TRAPPC9: variants seen among roughly 807,000 people sequenced by gnomAD.
The protein encoded by TRAPPC9 is trafficking protein particle complex subunit 9, also known as IKK2 binding protein.
A neutral mutation model predicts 124.0 loss-of-function variants in TRAPPC9; 83 were observed. The ratio of observed to expected loss-of-function variants is 0.67; its 90% confidence interval spans 0.56 to 0.80. The LOEUF is 0.80. Ranked by LOEUF, TRAPPC9 falls within the 30% of genes least tolerant of loss-of-function variation. The probability of loss-of-function intolerance (pLI) is 0.00; values close to 1 mark genes in which losing one functional copy is unlikely to be tolerated. For synonymous variants in TRAPPC9, 638 were observed against 617.5 expected, an observed-to-expected ratio of 1.03 and a Z score of -0.49; for missense variants, 1,302 against 1,508.3, an observed-to-expected ratio of 0.86 and a Z score of 2.27.
intron 17 of TRAPPC9, among the ~76,000 whole-genome samples, chr8:140,209,171 G>A (rs376422310): frequency 1.6e-4 from 25 of 152,188 alleles, no homozygotes; most frequent in African/African-American, 4.8e-4. Flanking sequence ...CAGACGATCC[G>A]CCTAAAACAA....
At chr8:140,083,154 C>T (rs773647744) in intron 17 of TRAPPC9, among the ~76,000 whole-genome samples, 11 of 151,914 alleles carry the variant, frequency 7.2e-5, no homozygotes, top group Admixed American at 1.3e-4. Context: ...GATCGTGCCA[C>T]TGCACTCCAG....
At chr8:140,323,029 T>G (rs1588149900) in intron 9 of TRAPPC9, among the ~76,000 whole-genome samples, 1 of 152,166 alleles carries the variant, frequency 6.6e-6, no homozygotes, top group African/African-American at 2.4e-5. Flanking sequence ...ATAAGGCTGG[T>G]CACCAGAAAG....
chr8:139,753,946 T>A (rs1193256182), intron 21 of TRAPPC9, among the ~76,000 whole-genome samples: 1 of 152,212 alleles, frequency 6.6e-6, no homozygotes, highest in Non-Finnish European at 1.5e-5. Flanking sequence ...TGTTTGTGCA[T>A]CCCAATCCTG....
chr8:140,413,870 A>G (rs201932945), intron 5 of TRAPPC9, among the ~76,000 whole-genome samples: 1 of 151,636 alleles, frequency 6.6e-6, no homozygotes, highest in Admixed American at 6.6e-5. Context: ...ATAGTATTCC[A>G]TGGTGTATAT....
At chr8:139,795,700 C>T (rs545037222) in intron 21 of TRAPPC9, among the ~76,000 whole-genome samples, 4 of 152,144 alleles carry the variant, frequency 2.6e-5, no homozygotes, top group East Asian at 1.9e-4. Flanking sequence ...ACCCAGAGTA[C>T]GCAATTAAAG....
chr8:140,458,292 G>A (rs1175921280), upstream of TRAPPC9: 8 of 1,557,326 alleles, frequency 5.1e-6, no homozygotes, highest in Non-Finnish European at 1.7e-6. Flanking sequence ...AGTCCTTCAG[G>A]GCGCGCAGCT....
At chr8:140,162,203 T>G (rs1215154164) in intron 17 of TRAPPC9, among the ~76,000 whole-genome samples, 1 of 152,050 alleles carries the variant, frequency 6.6e-6, no homozygotes, top group East Asian at 1.9e-4. Flanking sequence ...AATGAGTGAT[T>G]CAGGGGACAG....
At chr8:139,839,470 C>T (rs542302131) in intron 21 of TRAPPC9, among the ~76,000 whole-genome samples, 43 of 152,268 alleles carry the variant, frequency 2.8e-4, no homozygotes, top group African/African-American at 9.6e-4. Flanking sequence ...GCCGTCTCTG[C>T]GGGGATGCGG....
intron 5 of TRAPPC9, among the ~76,000 whole-genome samples, chr8:140,415,387 C>G (rs961360684): frequency 6.6e-6 from 1 of 151,752 alleles, no homozygotes; most frequent in Admixed American, 6.6e-5. Flanking sequence ...AACCCCATCT[C>G]TACTAAAAAT....
chr8:140,385,842 T>A (rs200718132), intron 7 of TRAPPC9, among the ~76,000 whole-genome samples: 3 of 152,198 alleles, frequency 2.0e-5, no homozygotes, highest in Admixed American at 2.0e-4. Context: ...CCTGATACCA[T>A]AGCCTGGCAG....
chr8:140,042,692 C>A (rs535811961), intron 17 of TRAPPC9, among the ~76,000 whole-genome samples: 1 of 152,344 alleles, frequency 6.6e-6, no homozygotes, highest in African/African-American at 2.4e-5. Context: ...CAGAGCAAAG[C>A]AAAGGTGGCA....
intron 21 of TRAPPC9, among the ~76,000 whole-genome samples, chr8:139,744,410 C>T (rs1396682119): frequency 1.3e-5 from 2 of 151,652 alleles, no homozygotes; most frequent in East Asian, 3.9e-4. Flanking sequence ...GGCCTTCTCT[C>T]AGGGTGCTGG....
intron 21 of TRAPPC9, among the ~76,000 whole-genome samples, chr8:139,817,501 G>A (rs191896965): frequency 6.6e-5 from 10 of 152,308 alleles, no homozygotes; most frequent in Non-Finnish European, 5.9e-5. Flanking sequence ...CCCATGGATC[G>A]TCCTCACGGC....
chr8:140,358,237 A>G (rs913397718), intron 9 of TRAPPC9, among the ~76,000 whole-genome samples: 3 of 151,868 alleles, frequency 2.0e-5, no homozygotes, highest in Admixed American at 6.6e-5. Flanking sequence ...ACAGAATTTC[A>G]CTCTTATCGC....
In TRAPPC9 at chr8:140,063,077, G is replaced by A. The variant is rs962763503; in HGVS notation, c.2557-38998C>T. 1.3e-5 allele frequency among the ~76,000 whole-genome samples: 2 copies of A among 152,096 alleles called. No individual in the cohort carries two copies. The highest frequency in any genetic ancestry group is 2.9e-5 in the Non-Finnish European group (2 of 68,030). On this transcript the variant is annotated intron_variant, in intron 17 of 22. Transcript: ENST00000438773. This position sits in a 1 kb window ranked among gnomAD's most constrained non-coding sequence, Gnocchi z 4.3. The stretch of plus-strand genomic sequence containing the variant: ...AGAAGTGAATGCAGGAGGAACTACT[G>A]AACACCTGAACACTTACAAACCCAT...
intron 18 of TRAPPC9, among the ~76,000 whole-genome samples, chr8:139,993,047 A>C (rs1837741173): frequency 6.6e-6 from 1 of 152,192 alleles, no homozygotes; most frequent in Non-Finnish European, 1.5e-5. Context: ...AAAAGAATAA[A>C]ATGTTTGGCT....
intron 17 of TRAPPC9, among the ~76,000 whole-genome samples, chr8:140,199,860 T>C (rs1366842991): frequency 1.3e-5 from 2 of 152,040 alleles, no homozygotes; most frequent in Non-Finnish European, 2.9e-5. Flanking sequence ...GATGGTAACT[T>C]TGGAAGACAA....
At chr8:140,005,248 A>G (rs762041242) in intron 18 of TRAPPC9, among the ~76,000 whole-genome samples, 1 of 152,146 alleles carries the variant, frequency 6.6e-6, no homozygotes, top group Non-Finnish European at 1.5e-5. Flanking sequence ...ATAAGACTCA[A>G]TGAGTTAAAA....
rs998411144 is a variant in TRAPPC9, at chr8:139,776,653, C to T, written c.3056-44451G>A. On this transcript the variant is annotated intron_variant, in intron 21 of 22. Transcript: ENST00000438773. The surrounding 1 kb of genome is among the most constrained non-coding windows in gnomAD (Gnocchi z 4.1). ...TGGTCCCGTCATCTGCCTGTGTGCA[C>T]GTGTGTGTCTGTGTGTGTGTGCGCA... Among the ~76,000 whole-genome samples the T allele has an allele frequency of 8.6e-5, 13 of 151,752 alleles. No individual in the cohort carries two copies. Among genetic ancestry groups the T allele is most frequent in the African/African-American group, 7.3e-5 (3 of 41,332 alleles).
Sources: gnomAD v4.1 joint callset for allele counts (sites outside exome capture counted in the v4.1 genomes callset) on GRCh38, gnomAD v4.1.1 for gene constraint, Gnocchi (gnomAD v3.1) non-coding constraint, MANE v1.5 for transcripts, NCBI Gene and HGNC (gene_info 2026-07-23, HGNC 2026-07-21) for gene names.